Variants in SCN9A observed in about 807,000 individuals in gnomAD.
SCN9A encodes the protein sodium voltage-gated channel alpha subunit 9.
In SCN9A, 131 loss-of-function variants were observed where a neutral mutation model predicts 187.0. The ratio of observed to expected loss-of-function variants is 0.70; its 90% CI spans 0.61 to 0.81. The LOEUF (loss-of-function observed/expected upper bound fraction) is 0.81, where lower values mean the gene tolerates loss of function less well. Among genes scored for constraint, SCN9A ranks in the 30% least tolerant of loss-of-function variants. SCN9A has a pLI of 0.00. For synonymous variants in SCN9A, 809 were observed against 808.6 expected, an observed-to-expected ratio of 1.00 and a Z score of -0.01; for missense variants, 2,252 against 2,396.6, an observed-to-expected ratio of 0.94 and a Z score of 1.26.
intron 1 of SCN9A, among the ~76,000 whole-genome samples, chr2:166,347,862 T>C (rs1699939502): frequency 6.6e-6 from 1 of 151,918 alleles, no homozygotes; most frequent in Non-Finnish European, 1.5e-5. Context: ...ATCTAGAACT[T>C]GTATAATAAG....
chr2:166,339,783 T>C (rs1378774108), intron 1 of SCN9A, among the ~76,000 whole-genome samples: 1 of 152,186 alleles, frequency 6.6e-6, no homozygotes, highest in Non-Finnish European at 1.5e-5. Context: ...ATAACTTCTA[T>C]GTAATAATAT....
intron 17 of SCN9A, among the ~76,000 whole-genome samples, chr2:166,266,959 T>C (rs1696768537): frequency 6.6e-6 from 1 of 151,876 alleles, no homozygotes. Flanking sequence ...TTTCATGGGG[T>C]CATTAGAACT....
rs555578632 is a variant in SCN9A, at chr2:166,238,450, T to C, written c.3628-183A>G. Among the ~76,000 whole-genome samples the C allele has an allele frequency of 2.1e-3, 320 of 152,338 alleles. 4 individuals carry two copies. The highest frequency in any genetic ancestry group is 0.02 in the Middle Eastern group (6 of 294). ...CAGTTAGTTCTAGCCTTCTCACCAG[T>C]GCTGCTGCTGGTCTTCAGAGGTCAA... On this transcript the variant is annotated intron_variant, in intron 19 of 26. Transcript: ENST00000642356.
intron 21 of SCN9A, 99 bp downstream of exon 21, chr2:166,233,241 T>C: frequency 1.2e-6 from 1 of 836,850 alleles, no homozygotes; most frequent in Non-Finnish European, 1.7e-6. Context: ...TATGTATTTA[T>C]GTAAACAGAA....
chr2:166,359,335 T>C (rs13030011), intron 1 of SCN9A, among the ~76,000 whole-genome samples: 104,317 of 151,986 alleles, frequency 0.69, 36,531 homozygotes, highest in African/African-American at 0.84. Flanking sequence ...ACTCTGACTC[T>C]TTTTTTAATA....
intron 24 of SCN9A, among the ~76,000 whole-genome samples, chr2:166,213,716 G>T (rs1214934201): frequency 1.3e-5 from 2 of 152,116 alleles, no homozygotes; most frequent in Non-Finnish European, 2.9e-5. Context: ...TACAGCTTTT[G>T]AAGGAAGTGA....
At chr2:166,281,538 ATTGG>A (rs1697486448) in intron 13 of SCN9A, 137 bp downstream of exon 13, 2 of 641,728 alleles carry the variant, frequency 3.1e-6, no homozygotes, top group Non-Finnish European at 2.5e-6. Flanking sequence ...ATCAGTATCC[ATTGG>A]TTATCTTTAC....
chr2:166,202,241 AG>A (rs1244932546), intron 26 of SCN9A, among the ~76,000 whole-genome samples: 7 of 151,490 alleles, frequency 4.6e-5, no homozygotes, highest in Non-Finnish European at 8.9e-5. Flanking sequence ...TTGCATAGAA[AG>A]GACTATAAGA....
chr2:166,252,799 A>G (rs1293105537), intron 17 of SCN9A, among the ~76,000 whole-genome samples: 2 of 151,926 alleles, frequency 1.3e-5, no homozygotes. Context: ...AAATCTTTAC[A>G]AAAAATACAT....
chr2:166,352,510 T>C (rs1163089337), intron 1 of SCN9A, among the ~76,000 whole-genome samples: 2 of 152,330 alleles, frequency 1.3e-5, no homozygotes, highest in African/African-American at 2.4e-5. Flanking sequence ...TACTGAAGTA[T>C]AGAAATATTA....
chr2:166,309,106 A>T (rs192433693), intron 2 of SCN9A, among the ~76,000 whole-genome samples: 1 of 152,152 alleles, frequency 6.6e-6, no homozygotes, highest in East Asian at 1.9e-4. Flanking sequence ...ATACAGAAAA[A>T]TATAAAGGGG....
chr2:166,197,524 T>A lies in SCN9A; in HGVS notation c.*1148A>T, dbSNP rs1239793702. On this transcript the variant is annotated 3_prime_UTR_variant, in exon 27 of 27. Transcript: ENST00000642356. Reference sequence around the variant, plus strand: ...TGGCAAGAATCCCTATTTCAATGCTTTTTTATTCATACTAAACACATATCT... The same window carrying A: ...TGGCAAGAATCCCTATTTCAATGCTATTTTATTCATACTAAACACATATCT... 1 of 151,530 alleles carries A rather than the reference T, an allele frequency of 6.6e-6. No individual in the cohort carries two copies. The highest frequency in any genetic ancestry group is 1.5e-5 in the Non-Finnish European group (1 of 67,882). 9.4% of individuals were successfully genotyped at this position (151,530 alleles called of 1,614,324 possible).
intron 17 of SCN9A, among the ~76,000 whole-genome samples, chr2:166,259,935 TA>T (rs11322130): frequency 0.79 from 120,461 of 151,598 alleles, 48,456 homozygotes; most frequent in Non-Finnish European, 0.85. Context: ...AGAGTGCTTT[TA>T]AAAAAAATCT....
At chr2:166,213,241 T>G (rs909356847) in intron 24 of SCN9A, among the ~76,000 whole-genome samples, 3 of 150,888 alleles carry the variant, frequency 2.0e-5, no homozygotes, top group Non-Finnish European at 4.4e-5. Flanking sequence ...CAAGCATAAC[T>G]AAGAAAAAAG....
intron 18 of SCN9A, among the ~76,000 whole-genome samples, chr2:166,249,137 T>TTC (rs1234972548): frequency 2.0e-5 from 3 of 152,114 alleles, no homozygotes; most frequent in Non-Finnish European, 2.9e-5. Context: ...TTCAATTTTC[T>TTC]TTACATCACG....
Position 166,309,894 on chromosome 2 carries a change from A to G in SCN9A, c.258+1605T>C, listed in dbSNP as rs866736063. Among the ~76,000 whole-genome samples the G allele has an allele frequency of 2.7e-5, 4 of 148,648 alleles. No individual in the cohort carries two copies. The South Asian group carries it at 8.7e-4, about 32-fold the overall frequency. On this transcript the variant is annotated intron_variant, in intron 2 of 26. Transcript: ENST00000642356. ...ACCCAAACAGCATGGTACTGGTACC[A>G]AAACAGAGATATAGATCAATGGAAC...
chr2:166,368,356 T>G (rs1203002654), intron 1 of SCN9A, among the ~76,000 whole-genome samples: 1 of 152,162 alleles, frequency 6.6e-6, no homozygotes. Flanking sequence ...ATTGCTGGCC[T>G]TGCACAGTGG....
chr2:166,239,222 C>A (rs6432889), intron 19 of SCN9A, among the ~76,000 whole-genome samples: 2,151 of 14,830 alleles, frequency 0.15, 675 homozygotes, highest in East Asian at 0.54. Flanking sequence ...GACTCTGTCT[C>A]AAAAAAAAAA....
intron 1 of SCN9A, among the ~76,000 whole-genome samples, chr2:166,364,426 C>A (rs1700365207): frequency 6.6e-6 from 1 of 151,984 alleles, no homozygotes; most frequent in Admixed American, 6.6e-5. Flanking sequence ...TGAAAACAAC[C>A]CAAATGTCTA....
Sources: allele counts gnomAD v4.1 joint callset (sites outside exome capture counted in the v4.1 genomes callset), GRCh38; gene constraint gnomAD v4.1.1; transcripts MANE v1.5; gene names NCBI Gene and HGNC (gene_info 2026-07-23, HGNC 2026-07-21).